E2F7: variants seen among roughly 807,000 people sequenced by gnomAD.
E2F7 encodes the protein E2F transcription factor 7.
A neutral mutation model predicts 81.1 loss-of-function variants in E2F7; 35 were observed. The ratio of observed to expected loss-of-function variants is 0.43; its 90% confidence interval spans 0.33 to 0.57. The LOEUF (loss-of-function observed/expected upper bound fraction) is 0.57, where lower values mean the gene tolerates loss of function less well. Among genes scored for constraint, E2F7 ranks in the 20% least tolerant of loss-of-function variants. The pLI is 0.04. For synonymous variants in E2F7, 416 were observed against 416.2 expected, an observed-to-expected ratio of 1.00 and a Z score of 0.01; for missense variants, 961 against 1,093.7, an observed-to-expected ratio of 0.88 and a Z score of 1.71.
At chr12:77,051,204 G>A (rs1185905089) in intron 3 of E2F7, among the ~76,000 whole-genome samples, 3 of 152,018 alleles carry the variant, frequency 2.0e-5, no homozygotes, top group South Asian at 2.1e-4. Flanking sequence ...TTTTACAATC[G>A]ACCAAAGGTT....
At chr12:77,038,484 G>A (rs899143581) in intron 7 of E2F7, among the ~76,000 whole-genome samples, 1 of 152,072 alleles carries the variant, frequency 6.6e-6, no homozygotes, top group African/African-American at 2.4e-5. Flanking sequence ...AGAATATTTA[G>A]AAACTATATG....
In E2F7 at chr12:77,030,148, C is replaced by T. The variant is rs774635489; in HGVS notation, c.1567G>A (p.Asp523Asn). 1 of 1,614,190 alleles carries T rather than the reference C, an allele frequency of 6.2e-7. No homozygotes were observed. The highest frequency in any genetic ancestry group is 1.7e-5 in the Admixed American group (1 of 60,030). Residue 523 changes from aspartate (D) to asparagine (N), a missense_variant, in exon 10 of 13, where the codon GAT (aspartate) becomes AAT (asparagine). Physicochemically the swap from Asp to Asn is conservative, Grantham distance 23. Coordinates refer to ENST00000322886, the MANE Select transcript of E2F7 (RefSeq NM_203394.3). Reference protein sequence around the residue: ...SMQNGLNGQVDVSLASAASAV... With the variant: ...SMQNGLNGQVNVSLASAASAV... ...GAGGCTGCAGAAGCAAGTGAGACAT[C>T]CACTTGTCCATTCAGACCGTTCTGC...
chr12:77,046,855 G>A (rs1954947450), intron 4 of E2F7, among the ~76,000 whole-genome samples: 1 of 152,158 alleles, frequency 6.6e-6, no homozygotes, highest in African/African-American at 2.4e-5. Flanking sequence ...CGCTCTCAAT[G>A]GACCAGTAAG....
At position 77,064,035 on chromosome 12, in the gene E2F7, A is replaced by G. The variant is rs190688498; in HGVS notation, c.93+508T>C. Reference sequence around the variant, plus strand: ...AGTGCAAAACTAGCAACAGTATGGTAAAATATTCAGAATATACTGATGAGT... The same window carrying G: ...AGTGCAAAACTAGCAACAGTATGGTGAAATATTCAGAATATACTGATGAGT... On this transcript the variant is annotated intron_variant, in intron 2 of 12. Transcript: ENST00000322886. 9.2e-5 allele frequency among the ~76,000 whole-genome samples: 14 copies of G among 152,368 alleles called. No homozygotes were observed. In the East Asian group the frequency reaches 2.7e-3, roughly 29 times the overall value.
intron 2 of E2F7, among the ~76,000 whole-genome samples, chr12:77,059,832 G>A (rs111319507): frequency 3.3e-5 from 5 of 152,048 alleles, no homozygotes; most frequent in African/African-American, 1.2e-4. Context: ...GCGTGGTGGC[G>A]GGCGCCTGTA....
intron 3 of E2F7, among the ~76,000 whole-genome samples, chr12:77,054,235 G>GA (rs879735593): frequency 2.3e-3 from 325 of 139,538 alleles, no homozygotes; most frequent in African/African-American, 6.2e-3. Context: ...AAGTTAGAAA[G>GA]AAAAAAAAAA....
At chr12:77,063,909 T>G (rs1206131147) in intron 2 of E2F7, among the ~76,000 whole-genome samples, 1 of 152,248 alleles carries the variant, frequency 6.6e-6, no homozygotes, top group African/African-American at 2.4e-5. Context: ...AATGCTCAGA[T>G]AGTTTAGACA....
intron 2 of E2F7, among the ~76,000 whole-genome samples, chr12:77,063,273 T>C (rs1955092536): frequency 6.6e-6 from 1 of 152,174 alleles, no homozygotes; most frequent in Non-Finnish European, 1.5e-5. Flanking sequence ...AGTGCTTCTT[T>C]TAAGTGAAAA....
intron 4 of E2F7, 37 bp from the exon 5 acceptor site, chr12:77,046,365 A>C: frequency 6.3e-7 from 1 of 1,585,706 alleles, no homozygotes; most frequent in Non-Finnish European, 8.6e-7. Context: ...CATCATGCAG[A>C]CAAACATTTT....
chr12:77,052,114 C>T (rs1392503335), intron 3 of E2F7, among the ~76,000 whole-genome samples: 2 of 152,004 alleles, frequency 1.3e-5, no homozygotes, highest in Non-Finnish European at 2.9e-5. Flanking sequence ...TGCATAAAAT[C>T]CTAAAACTTA....
chr12:77,051,182 AACTGTTTTATATTTT>A (rs1040407360), intron 3 of E2F7, among the ~76,000 whole-genome samples: 2 of 152,190 alleles, frequency 1.3e-5, no homozygotes, highest in African/African-American at 2.4e-5. Flanking sequence ...TCTGTCACCA[AACTGTTTTATATTTT>A]ACAATCGACC....
intron 7 of E2F7, among the ~76,000 whole-genome samples, chr12:77,035,409 T>TCATATAGGACTGGGAAAAGTGCC (rs1445802377): frequency 2.0e-5 from 3 of 152,070 alleles, no homozygotes; most frequent in Non-Finnish European, 2.9e-5. Context: ...ACAATGCAGC[T>TCATATAGGACTGGGAAAAGTGCC]CATATAGGAC....
intron 5 of E2F7, 72 bp from the exon 6 acceptor site, chr12:77,044,867 C>G (rs565217547): frequency 2.0e-6 from 3 of 1,537,128 alleles, no homozygotes; most frequent in South Asian, 2.5e-5. Context: ...TGCAGCTTGC[C>G]AAAATGATCT....
intron 7 of E2F7, among the ~76,000 whole-genome samples, chr12:77,039,949 A>G (rs1954881719): frequency 6.6e-6 from 1 of 152,210 alleles, no homozygotes; most frequent in African/African-American, 2.4e-5. Flanking sequence ...TCTCAAAATA[A>G]TTATGCTGAG....
chr12:77,048,224 C>T (rs310802), intron 4 of E2F7, among the ~76,000 whole-genome samples: 113,113 of 152,026 alleles, frequency 0.74, 42,265 homozygotes, highest in Non-Finnish European at 0.77. Flanking sequence ...AAAAGTTCCA[C>T]TTCACAGGTC....
intron 2 of E2F7, among the ~76,000 whole-genome samples, chr12:77,060,474 G>A (rs1425528198): frequency 6.6e-6 from 1 of 152,122 alleles, no homozygotes; most frequent in African/African-American, 2.4e-5. Context: ...TCCTGTGTCC[G>A]ATACAGCTTT....
At chr12:77,061,799 C>G (rs928026890) in intron 2 of E2F7, among the ~76,000 whole-genome samples, 3 of 152,210 alleles carry the variant, frequency 2.0e-5, no homozygotes, top group Non-Finnish European at 4.4e-5. Flanking sequence ...TAGCTTCCAG[C>G]CACTCTTGAT....
chr12:77,064,583 C>T lies in E2F7; in HGVS notation c.53G>A (p.Arg18Lys). The change falls in exon 2 of 13, where the codon AGA (arginine) becomes AAA (lysine). Residue 18 changes from arginine (R) to lysine (K), a missense_variant. Physicochemically the swap from Arg to Lys is conservative, Grantham distance 26. Coordinates refer to ENST00000322886, the MANE Select transcript of E2F7 (RefSeq NM_203394.3). ...CCCATCTTCAACTGCAAAATCTAGTCTGGGCTGCCTGGGGCTGATCAGGTC... is the reference window on the plus strand; with the variant it reads ...CCCATCTTCAACTGCAAAATCTAGTTTGGGCTGCCTGGGGCTGATCAGGTC... The part of the protein sequence containing the change: ...LKDLISPRQP[R>K]LDFAVEDGEN... 2 of 1,614,146 alleles carry T rather than the reference C, an allele frequency of 1.2e-6. No individual in the cohort carries two copies. Among genetic ancestry groups the T allele is most frequent in the Non-Finnish European group, 1.7e-6 (2 of 1,180,008 alleles).
chr12:77,049,992 T>C (rs565496922), intron 4 of E2F7, among the ~76,000 whole-genome samples: 10 of 152,300 alleles, frequency 6.6e-5, no homozygotes, highest in African/African-American at 2.2e-4. Flanking sequence ...TGTATACATA[T>C]TTCCAGCACA....
Sources: allele counts gnomAD v4.1 joint callset (sites outside exome capture counted in the v4.1 genomes callset), GRCh38; gene constraint gnomAD v4.1.1; transcripts MANE v1.5; gene names NCBI Gene and HGNC (gene_info 2026-07-23, HGNC 2026-07-21).